Variants in MMP16 observed in about 807,000 individuals in gnomAD.
The protein encoded by MMP16 is matrix metallopeptidase 16, also known as matrix metalloproteinase-16.
Under a neutral mutation model 67.8 loss-of-function variants are expected in MMP16, and 12 were observed. That is an observed-to-expected ratio of 0.18 (90% CI 0.11 to 0.29). MMP16 has a LOEUF of 0.29. Among genes scored for constraint, MMP16 ranks in the 10% least tolerant of loss-of-function variants. The pLI, the probability that MMP16 is intolerant of heterozygous loss-of-function variation, is 1.00. For missense variants in MMP16, 475 were observed against 765.7 expected, an observed-to-expected ratio of 0.62 and a Z score of 4.48; for synonymous variants, 249 against 255.9, an observed-to-expected ratio of 0.97 and a Z score of 0.26.
intron 1 of MMP16, among the ~76,000 whole-genome samples, chr8:88,199,805 C>T (rs7001079): frequency 6.6e-6 from 1 of 151,578 alleles, no homozygotes; most frequent in African/African-American, 2.4e-5. Flanking sequence ...TGAAGTATAT[C>T]CCTGTTTTCA....
At chr8:88,172,253 T>A (rs945259160) in intron 3 of MMP16, among the ~76,000 whole-genome samples, 1 of 152,224 alleles carries the variant, frequency 6.6e-6, no homozygotes, top group African/African-American at 2.4e-5. Flanking sequence ...CCAATTTAGA[T>A]GATTAAAATT....
intron 6 of MMP16, among the ~76,000 whole-genome samples, chr8:88,076,318 T>A (rs953692543): frequency 1.3e-5 from 2 of 152,162 alleles, no homozygotes; most frequent in Non-Finnish European, 2.9e-5. Context: ...CACAGACTAG[T>A]ACCAACATTT....
At chr8:88,064,576 A>C (rs1808440552) in intron 7 of MMP16, among the ~76,000 whole-genome samples, 1 of 152,068 alleles carries the variant, frequency 6.6e-6, no homozygotes, top group African/African-American at 2.4e-5. Flanking sequence ...ATAATGAGAG[A>C]TCAAATACAC....
intron 1 of MMP16, among the ~76,000 whole-genome samples, chr8:88,234,236 A>C (rs1200302215): frequency 6.6e-6 from 1 of 152,214 alleles, no homozygotes; most frequent in Non-Finnish European, 1.5e-5. Flanking sequence ...TATTTAACTA[A>C]ATCTGTTTAT....
chr8:88,056,531 T>C (rs2118226721), intron 7 of MMP16, among the ~76,000 whole-genome samples: 1 of 151,956 alleles, frequency 6.6e-6, no homozygotes, highest in Non-Finnish European at 1.5e-5. Context: ...AATTTGTGAG[T>C]GAATTTAAAA....
intron 1 of MMP16, among the ~76,000 whole-genome samples, chr8:88,307,955 A>C (rs1811236308): frequency 6.6e-6 from 1 of 152,100 alleles, no homozygotes; most frequent in Non-Finnish European, 1.5e-5. Flanking sequence ...AGAAAAATGC[A>C]ATAACTCCAT....
intron 2 of MMP16, among the ~76,000 whole-genome samples, chr8:88,195,917 T>C (rs1360921616): frequency 2.6e-5 from 4 of 152,292 alleles, no homozygotes; most frequent in Middle Eastern, 3.4e-3. Flanking sequence ...AATAGAAAAA[T>C]TATGACTAAC....
chr8:88,289,921 T>G (rs921674280), intron 1 of MMP16, among the ~76,000 whole-genome samples: 10 of 152,114 alleles, frequency 6.6e-5, no homozygotes, highest in African/African-American at 2.4e-4. Context: ...CTCACTACCC[T>G]GCACTACCCT....
rs895209774 is a variant in MMP16, at chr8:88,034,481, T to A, written c.*6980A>T. 1 of 152,282 alleles carries A rather than the reference T, an allele frequency of 6.6e-6. No individual in the cohort carries two copies. The allele number at this position is 152,282 out of a possible 1,614,324, so 9.4% of individuals were successfully genotyped here. A position where few individuals can be genotyped will look rare whatever the true frequency, so the allele number is the denominator to read the frequency against. On this transcript the variant is annotated 3_prime_UTR_variant, in exon 10 of 10. Coordinates refer to ENST00000286614, the MANE Select transcript of MMP16 (RefSeq NM_005941.5). ...GTGAAATTTTGTACTTATGAACATA[T>A]AAAGGAATAATTGATTCCACATCAG...
intron 8 of MMP16, 60 bp from the exon 9 acceptor site, chr8:88,046,844 G>T: frequency 9.3e-7 from 1 of 1,071,672 alleles, no homozygotes; most frequent in Non-Finnish European, 1.4e-6. Context: ...GAAAGATTAT[G>T]CATACAAACA....
rs148695063 is a variant in MMP16, at chr8:88,171,367, G to A, written c.405-3394C>T. Among the ~76,000 whole-genome samples the A allele has an allele frequency of 7.7e-4, 118 of 152,296 alleles. 1 individual carries two copies. The highest frequency in any genetic ancestry group is 2.4e-3 in the African/African-American group (98 of 41,574). ...AAGATTACAAAAAAGAGAGTAAAAG[G>A]TTATGGATGCTGATGACACTGGGCC... On this transcript the variant is annotated intron_variant, in intron 3 of 9. Transcript: ENST00000286614.
intron 2 of MMP16, among the ~76,000 whole-genome samples, chr8:88,195,239 C>G (rs1271939006): frequency 6.6e-6 from 1 of 152,166 alleles, no homozygotes. Flanking sequence ...CAATGACCAA[C>G]AGGAGCTCAC....
intron 4 of MMP16, among the ~76,000 whole-genome samples, chr8:88,136,720 T>G (rs1234704726): frequency 2.0e-5 from 3 of 151,784 alleles, no homozygotes; most frequent in Non-Finnish European, 4.4e-5. Flanking sequence ...ATTAAATTCA[T>G]TTAACTCATT....
chr8:88,199,512 C>A (rs1809307342), intron 1 of MMP16, among the ~76,000 whole-genome samples: 1 of 151,850 alleles, frequency 6.6e-6, no homozygotes, highest in Admixed American at 6.6e-5. Flanking sequence ...TGATTTGTCA[C>A]CTAGGAAGCA....
chr8:88,322,038 A>G (rs535953225), intron 1 of MMP16, among the ~76,000 whole-genome samples: 1 of 152,210 alleles, frequency 6.6e-6, no homozygotes, highest in African/African-American at 2.4e-5. Flanking sequence ...CCCTCCCTAT[A>G]CATAATTTTT....
intron 3 of MMP16, among the ~76,000 whole-genome samples, chr8:88,182,934 A>T (rs1809005343): frequency 1.3e-5 from 2 of 152,186 alleles, no homozygotes; most frequent in South Asian, 4.1e-4. Context: ...CCTATTGCCA[A>T]GTGAAAGAAG....
chr8:88,191,729 G>T lies in MMP16; in HGVS notation c.282-5131C>A, dbSNP rs1266267487. On this transcript the variant is annotated intron_variant, in intron 2 of 9. Coordinates refer to ENST00000286614, the MANE Select transcript of MMP16 (RefSeq NM_005941.5). ...CTTCAGTAAAATATATTTTTAAAAA[G>T]TATTTAATAAGTTGGGCATTCATGC... is the stretch of plus-strand genomic sequence containing the variant. Among the ~76,000 whole-genome samples, 4 of 152,130 alleles carry T rather than the reference G, an allele frequency of 2.6e-5. No individual in the cohort carries two copies. The East Asian group carries it at 7.7e-4, about 29-fold the overall frequency.
intron 1 of MMP16, among the ~76,000 whole-genome samples, chr8:88,202,377 A>G (rs2129794435): frequency 6.6e-6 from 1 of 152,286 alleles, no homozygotes; most frequent in Admixed American, 6.5e-5. Context: ...TATGGTGTCA[A>G]TGCTGTGGAG....
intron 6 of MMP16, among the ~76,000 whole-genome samples, chr8:88,094,344 G>T (rs1238933777): frequency 2.6e-5 from 4 of 151,558 alleles, no homozygotes; most frequent in African/African-American, 4.8e-5. Context: ...ATAAATATTT[G>T]AAATTATTGA....
Sources: allele counts gnomAD v4.1 joint callset (sites outside exome capture counted in the v4.1 genomes callset), GRCh38; gene constraint gnomAD v4.1.1; transcripts MANE v1.5; gene names NCBI Gene and HGNC (gene_info 2026-07-23, HGNC 2026-07-21).